LEO1: variants seen among roughly 807,000 people sequenced by gnomAD.
LEO1 encodes the protein RNA polymerase-associated protein LEO1.
In LEO1, 34 loss-of-function variants were observed where a neutral mutation model predicts 80.4. The ratio of observed to expected loss-of-function variants is 0.42; its 90% CI spans 0.32 to 0.56. The LOEUF is 0.56. Ranked by LOEUF, LEO1 falls within the 20% of genes least tolerant of loss-of-function variation. The pLI is 0.10. For synonymous variants in LEO1, 262 were observed against 274.9 expected (o/e 0.95, Z 0.46); for missense variants, 631 against 814.2 (o/e 0.77, Z 2.74).
At chr15:51,953,291 A>G (rs752693397) in intron 7 of LEO1, 28 bp from the exon 8 acceptor site, 7 of 1,610,430 alleles carry the variant, frequency 4.3e-6, no homozygotes, top group Non-Finnish European at 5.1e-6. Flanking sequence ...TCATCTATTA[A>G]AGTCATAAAG....
chr15:51,950,279 A>G (rs1336491510), intron 9 of LEO1, among the ~76,000 whole-genome samples: 3 of 152,180 alleles, frequency 2.0e-5, no homozygotes, highest in Non-Finnish European at 4.4e-5. Flanking sequence ...CTGTGCTGCC[A>G]CTTAACCCAG....
chr15:51,962,844 C>A (rs541265686), intron 2 of LEO1, among the ~76,000 whole-genome samples: 1 of 151,674 alleles, frequency 6.6e-6, no homozygotes, highest in South Asian at 2.1e-4. Flanking sequence ...AGTGTGACAG[C>A]GATTCTGCAT....
At chr15:51,962,522 T>C (rs904956694) in intron 2 of LEO1, 29 bp from the exon 3 acceptor site, 3 of 1,477,466 alleles carry the variant, frequency 2.0e-6, no homozygotes, top group African/African-American at 2.8e-5. Flanking sequence ...AAGTTCTGCA[T>C]AATCAGTCGC....
rs1448249859 is a variant in LEO1, at chr15:51,947,265, C to A, written c.1896+27G>T. 4 of 1,475,286 alleles carry A rather than the reference C, an allele frequency of 2.7e-6. No individual in the cohort carries two copies. The African/African-American group carries it at 4.2e-5, about 15-fold the overall frequency. The allele number at this position is 1,475,286 out of a possible 1,614,324, so 91.4% of individuals were successfully genotyped here. A position where few individuals can be genotyped will look rare whatever the true frequency, so the allele number is the denominator to read the frequency against. ...TTGGCTCCTGAGTACAGGATAAACC[C>A]CTAGAATTGAATAAATTTGGTCTTA... is the stretch of plus-strand genomic sequence containing the variant. On this transcript the variant is annotated intron_variant, in intron 11 of 11. Coordinates refer to ENST00000299601, the MANE Select transcript of LEO1 (RefSeq NM_138792.4).
At position 51,942,181 on chromosome 15, in the gene LEO1, C is replaced by T. The variant is rs555597089; in HGVS notation, c.1897-3921G>A. Among the ~76,000 whole-genome samples the T allele has an allele frequency of 2.7e-4, 41 of 152,224 alleles. No individual in the cohort carries two copies. In the South Asian group the frequency reaches 8.3e-3, roughly 31 times the overall value. ...TTGTAACCCATTACCAGGACTCAAA[C>T]TAGGGTACCATGAAGAGGCAATGGC... On this transcript the variant is annotated intron_variant, in intron 11 of 11. Coordinates refer to ENST00000299601, the MANE Select transcript of LEO1 (RefSeq NM_138792.4).
intron 3 of LEO1, among the ~76,000 whole-genome samples, chr15:51,961,387 G>A (rs1270967471): frequency 6.6e-6 from 1 of 151,734 alleles, no homozygotes; most frequent in Non-Finnish European, 1.5e-5. Context: ...GGTGGTGGTG[G>A]TTGCGGTTGT....
At chr15:51,944,120 G>A (rs529824381) in intron 11 of LEO1, among the ~76,000 whole-genome samples, 3 of 152,286 alleles carry the variant, frequency 2.0e-5, no homozygotes, top group Admixed American at 6.5e-5. Context: ...TCAACAAATT[G>A]CAAGTAGAAT....
intron 7 of LEO1, among the ~76,000 whole-genome samples, chr15:51,953,596 G>A (rs890180632): frequency 1.3e-5 from 2 of 151,958 alleles, no homozygotes; most frequent in African/African-American, 2.4e-5. Flanking sequence ...CTCCAGCCTG[G>A]GCGACAGGAC....
At chr15:51,968,942 C>T (rs778907268) in intron 1 of LEO1, among the ~76,000 whole-genome samples, 1 of 152,100 alleles carries the variant, frequency 6.6e-6, no homozygotes, top group Non-Finnish European at 1.5e-5. Context: ...TATAACTCAA[C>T]AATAAAACCA....
intron 11 of LEO1, among the ~76,000 whole-genome samples, chr15:51,945,439 A>G (rs8042310): frequency 0.014 from 2,099 of 151,888 alleles, 88 homozygotes; most frequent in Admixed American, 0.073. Flanking sequence ...TCTGCATGCA[A>G]CACTCTCCAG....
intron 6 of LEO1, among the ~76,000 whole-genome samples, chr15:51,955,923 G>C (rs1210891403): frequency 6.6e-6 from 1 of 152,176 alleles, no homozygotes; most frequent in East Asian, 1.9e-4. Flanking sequence ...TTTCAGAATA[G>C]TCTGGGGAAG....
Position 51,960,024 on chromosome 15 carries a change from C to A in LEO1, c.1035G>T (p.Gln345His). 4 of 1,612,278 alleles carry A rather than the reference C, an allele frequency of 2.5e-6. No homozygotes were observed. The South Asian group carries it at 4.4e-5, about 18-fold the overall frequency. The stretch of plus-strand genomic sequence containing the variant: ...GAATTGGCTCCTCTTCCTGTTGATC[C>A]TGAGGCAATCCATTTTCATCCTAGT... ...GQPVDENGLP[Q>H]DQQEEEPIPE... The change falls in exon 5 of 12, where the codon CAG becomes CAT. Residue 345 changes from glutamine (Q) to histidine (H), a missense_variant. Physicochemically the swap from Gln to His is conservative, Grantham distance 24. This residue lies in a region of LEO1 where 95 missense variants were observed against 171.7 expected (regional missense o/e 0.55). Coordinates refer to ENST00000299601, the MANE Select transcript of LEO1 (RefSeq NM_138792.4).
At chr15:51,947,240 T>C in intron 11 of LEO1, 52 bp downstream of exon 11, 1 of 1,180,600 alleles carries the variant, frequency 8.5e-7, no homozygotes, top group South Asian at 1.2e-5. Flanking sequence ...TTCAAAGCAG[T>C]TGGCTCCTGA....
chr15:51,968,337 G>A (rs771450080), intron 1 of LEO1, among the ~76,000 whole-genome samples: 5 of 152,132 alleles, frequency 3.3e-5, no homozygotes, highest in Non-Finnish European at 7.3e-5. Flanking sequence ...GAGGTCAGGA[G>A]TTCCAGACCA....
chr15:51,962,164 TAAAAAA>T (rs11407897), intron 3 of LEO1, among the ~76,000 whole-genome samples: 1 of 133,806 alleles, frequency 7.5e-6, no homozygotes, highest in Non-Finnish European at 1.6e-5. Flanking sequence ...CTCTGTCTCT[TAAAAAA>T]AAAAAAAAAA....
At chr15:51,965,600 C>A in intron 2 of LEO1, 149 bp downstream of exon 2, 1 of 1,064,982 alleles carries the variant, frequency 9.4e-7, no homozygotes, top group Non-Finnish European at 1.3e-6. Context: ...TTAAAAGAAG[C>A]AAAATGTATT....
At chr15:51,952,690 CG>C (rs2056958929) in intron 8 of LEO1, among the ~76,000 whole-genome samples, 1 of 152,108 alleles carries the variant, frequency 6.6e-6, no homozygotes, top group South Asian at 2.1e-4. Flanking sequence ...TATTAGATGC[CG>C]GGGCCTACGG....
intron 10 of LEO1, among the ~76,000 whole-genome samples, chr15:51,948,887 A>G (rs533796524): frequency 6.6e-6 from 1 of 152,342 alleles, no homozygotes; most frequent in East Asian, 1.9e-4. Context: ...ATGCAGAGTC[A>G]CGGCTGGGAC....
At chr15:51,950,303 G>A (rs2056939011) in intron 9 of LEO1, among the ~76,000 whole-genome samples, 1 of 152,166 alleles carries the variant, frequency 6.6e-6, no homozygotes, top group Non-Finnish European at 1.5e-5. Flanking sequence ...GAAGCAACCC[G>A]CCTGAGAAAC....
Sources: allele counts gnomAD v4.1 joint callset (sites outside exome capture counted in the v4.1 genomes callset), GRCh38; gene constraint gnomAD v4.1.1; regional missense constraint gnomAD v4.1.1; transcripts MANE v1.5; gene names NCBI Gene and HGNC (gene_info 2026-07-23, HGNC 2026-07-21).